MANBA: variants seen among roughly 807,000 people sequenced by gnomAD.
MANBA encodes the protein mannosidase beta, also known as beta-mannosidase.
Under a neutral mutation model 111.1 loss-of-function variants are expected in MANBA, and 83 were observed. The ratio of observed to expected loss-of-function variants is 0.75; its 90% confidence interval spans 0.63 to 0.90. MANBA has a LOEUF of 0.90. Ranked by LOEUF, MANBA falls within the 40% of genes least tolerant of loss-of-function variation. The probability of loss-of-function intolerance (pLI) is 0.00; values close to 1 mark genes in which losing one functional copy is unlikely to be tolerated. For synonymous variants in MANBA, 370 were observed against 378.7 expected, an observed-to-expected ratio of 0.98 and a Z score of 0.27; for missense variants, 1,036 against 1,069.0, an observed-to-expected ratio of 0.97 and a Z score of 0.43.
At chr4:102,711,946 T>A (rs1410667623) in intron 5 of MANBA, among the ~76,000 whole-genome samples, 1 of 152,130 alleles carries the variant, frequency 6.6e-6, no homozygotes, top group Non-Finnish European at 1.5e-5. Flanking sequence ...GAAAGGCTGA[T>A]GAATGGGTAC....
intron 16 of MANBA, 72 bp from the exon 17 acceptor site, chr4:102,632,353 G>T: frequency 8.2e-7 from 1 of 1,226,836 alleles, no homozygotes; most frequent in Admixed American, 1.8e-5. Flanking sequence ...TACAGTTCCT[G>T]TAAACATTTA....
At chr4:102,658,242 C>T (rs1025189050) in intron 11 of MANBA, among the ~76,000 whole-genome samples, 4 of 152,172 alleles carry the variant, frequency 2.6e-5, no homozygotes, top group African/African-American at 9.7e-5. Context: ...GAGCTGGATA[C>T]GTTTTTGTTG....
chr4:102,730,759 T>A (rs1723004135), intron 1 of MANBA: 1 of 488,106 alleles, frequency 2.0e-6, no homozygotes, highest in Non-Finnish European at 4.0e-6. Context: ...ACACAATAAG[T>A]CTTTCTGAGT....
intron 12 of MANBA, among the ~76,000 whole-genome samples, chr4:102,657,076 G>C (rs1449809540): frequency 6.6e-6 from 1 of 152,080 alleles, no homozygotes; most frequent in African/African-American, 2.4e-5. Flanking sequence ...GCATTGTATG[G>C]CAAGTGAATT....
At chr4:102,688,482 A>C (rs745521168) in intron 7 of MANBA, among the ~76,000 whole-genome samples, 3 of 151,958 alleles carry the variant, frequency 2.0e-5, no homozygotes, top group Admixed American at 2.0e-4. Flanking sequence ...TGCACTCCTG[A>C]AGGACATATC....
chr4:102,742,109 G>A (rs1327222061), intron 1 of MANBA, among the ~76,000 whole-genome samples: 2 of 152,136 alleles, frequency 1.3e-5, no homozygotes, highest in African/African-American at 4.8e-5. Flanking sequence ...GACTGATTTT[G>A]TCTTGATAGT....
At chr4:102,663,050 ACCTGTTC>A (rs1578880718) in intron 11 of MANBA, 1 of 152,430 alleles carries the variant, frequency 6.6e-6, no homozygotes, top group East Asian at 1.9e-4. Context: ...AGTTTCTAGA[ACCTGTTC>A]CCTATGAATG....
At chr4:102,662,409 G>A (rs537141424) in intron 11 of MANBA, among the ~76,000 whole-genome samples, 2 of 151,988 alleles carry the variant, frequency 1.3e-5, no homozygotes, top group African/African-American at 4.8e-5. Flanking sequence ...GTGTGGTGGT[G>A]CATGCCCGTA....
chr4:102,662,557 A>C (rs974215379), intron 11 of MANBA: 5 of 152,118 alleles, frequency 3.3e-5, no homozygotes, highest in African/African-American at 1.2e-4. Context: ...ATCTCAAAAA[A>C]AAAAAAAAAA....
At chr4:102,722,520 T>C (rs770409611) in intron 4 of MANBA, 51 of 297,248 alleles carry the variant, frequency 1.7e-4, no homozygotes, top group Non-Finnish European at 2.9e-4. Context: ...GAGGGCTTCC[T>C]AGAAACAAGA....
intron 13 of MANBA, among the ~76,000 whole-genome samples, chr4:102,648,788 C>A (rs1730207637): frequency 6.6e-6 from 1 of 152,192 alleles, no homozygotes; most frequent in East Asian, 1.9e-4. Context: ...ATTCACAAAT[C>A]TTTTGATACA....
chr4:102,710,400 C>G (rs1464568253), intron 5 of MANBA, among the ~76,000 whole-genome samples: 3 of 152,030 alleles, frequency 2.0e-5, no homozygotes, highest in Non-Finnish European at 2.9e-5. Flanking sequence ...AGAAGGCAAT[C>G]CCATTTACAA....
At chr4:102,636,143 C>T (rs1311838807) in intron 14 of MANBA, 136 bp from the exon 15 acceptor site, 10 of 772,308 alleles carry the variant, frequency 1.3e-5, no homozygotes, top group Non-Finnish European at 2.2e-5. Context: ...GTGGAGGGCA[C>T]CCATGTTTGT....
intron 7 of MANBA, among the ~76,000 whole-genome samples, chr4:102,675,719 T>C (rs1578892331): frequency 6.6e-6 from 1 of 152,224 alleles, no homozygotes; most frequent in African/African-American, 2.4e-5. Context: ...TTTATAATAC[T>C]TTTTTCCAAT....
At chr4:102,748,137 C>A (rs1723654649) in intron 1 of MANBA, among the ~76,000 whole-genome samples, 2 of 152,106 alleles carry the variant, frequency 1.3e-5, no homozygotes, top group African/African-American at 4.8e-5. Context: ...TTGGTGAAAC[C>A]TTTTCTGCAT....
chr4:102,634,204 C>T (rs937287786), intron 16 of MANBA, among the ~76,000 whole-genome samples: 13 of 152,188 alleles, frequency 8.5e-5, no homozygotes, highest in Non-Finnish European at 1.8e-4. Context: ...AACAACACAT[C>T]CTGATCATCC....
chr4:102,664,843 G>A lies in MANBA; in HGVS notation c.1327C>T (p.Leu443=). 2 of 1,602,694 alleles carry A rather than the reference G, an allele frequency of 1.2e-6. No individual in the cohort carries two copies. The highest frequency in any genetic ancestry group is 1.7e-6 in the Non-Finnish European group (2 of 1,169,572). ...TAEVAYQIKR[L]KSHPSIIIWS... is the part of the protein sequence containing the mutation. ...ATGATGATAGAAGGATGAGATTTCA[G>A]TCTCTTGATCTGAAAATTAAGAAAA... The change falls in exon 11 of 17, where the codon CTG becomes TTG. Residue 443 remains leucine (L), a synonymous_variant. Transcript: ENST00000647097.
intron 5 of MANBA, among the ~76,000 whole-genome samples, chr4:102,703,964 G>A (rs1338563231): frequency 1.3e-5 from 2 of 151,944 alleles, no homozygotes; most frequent in Non-Finnish European, 2.9e-5. Context: ...GCGTGGTGTC[G>A]AACACCTGTA....
At chr4:102,722,004 T>G (rs1382830391) in intron 4 of MANBA, among the ~76,000 whole-genome samples, 2 of 129,836 alleles carry the variant, frequency 1.5e-5, no homozygotes, top group African/African-American at 3.0e-5. Context: ...TACTCCAGCC[T>G]GGGCGACAGA....
Sources: allele counts gnomAD v4.1 joint callset (sites outside exome capture counted in the v4.1 genomes callset), GRCh38; gene constraint gnomAD v4.1.1; transcripts MANE v1.5; gene names NCBI Gene and HGNC (gene_info 2026-07-23, HGNC 2026-07-21).